The following PRAM1 variants were observed in gnomAD, a reference collection of about 807,000 sequenced individuals.
PRAM1 encodes PML-RARA-regulated adapter molecule 1.
In PRAM1, 41 loss-of-function variants were observed where a neutral mutation model predicts 55.3. The observed-to-expected ratio is 0.74, with a 90% confidence interval of 0.58 to 0.96. The LOEUF (loss-of-function observed/expected upper bound fraction) is 0.96, where lower values mean the gene tolerates loss of function less well. PRAM1 is among the 40% of genes least tolerant of loss of function. The pLI is 0.00. For missense variants in PRAM1, 898 were observed against 892.7 expected (o/e 1.01, Z -0.08); for synonymous variants, 401 against 387.1 (o/e 1.04, Z -0.42).
rs1971744869 is a variant in PRAM1 at position 8,498,755 on chromosome 19, C to G, written c.1053G>C (p.Arg351=). 1 of 1,572,218 alleles carries G rather than the reference C, an allele frequency of 6.4e-7. No homozygotes were observed. Among genetic ancestry groups the G allele is most frequent in the Non-Finnish European group, 8.6e-7 (1 of 1,159,570 alleles). The change falls in exon 2 of 10, where the codon CGG becomes CGC. Residue 351 remains arginine (R), a synonymous_variant. Transcript: ENST00000423345. ...GCTGTGAGAACTTGCGGGGTGGCCCCCGGCGCTCCGGCTGCAGCAGCTTCC... is the reference window on the plus strand; with the variant it reads ...GCTGTGAGAACTTGCGGGGTGGCCCGCGGCGCTCCGGCTGCAGCAGCTTCC... ...LPRKLLQPER[R]GPPRKFSQPE... is the part of the protein sequence containing the mutation.
rs1371771218 is a variant in PRAM1, at chr19:8,499,352, A to AG, written c.455dup (p.Leu153PhefsTer47). On this transcript the variant is annotated frameshift_variant, in exon 2 of 10. Transcript: ENST00000423345. LOFTEE classifies it high-confidence loss of function. ...CAGGCTCCGGCAGCGAGGCCTTCAAAGGGGCCTCACCGACCTCAGGCTGCA... is the reference window on the plus strand; with the variant it reads ...CAGGCTCCGGCAGCGAGGCCTTCAAAGGGGGCCTCACCGACCTCAGGCTGCA... The AG allele has an allele frequency of 1.2e-6, 2 of 1,611,376 alleles. No individual in the cohort carries two copies. Among genetic ancestry groups the AG allele is most frequent in the Admixed American group, 3.3e-5 (2 of 59,732 alleles).
At chr19:8,491,717 G>C (rs1971632614) in intron 4 of PRAM1, 1 of 163,040 alleles carries the variant, frequency 6.1e-6, no homozygotes, top group Non-Finnish European at 1.3e-5. Flanking sequence ...GGTGGGAACT[G>C]CTGGGCCACG....
chr19:8,490,954 T>C lies in PRAM1; in HGVS notation c.1676A>G (p.Asp559Gly). The C allele has an allele frequency of 1.9e-6, 3 of 1,613,836 alleles. No homozygotes were observed. The highest frequency in any genetic ancestry group is 2.5e-6 in the Non-Finnish European group (3 of 1,179,894). The change falls in exon 6 of 10, where the codon GAC (aspartate) becomes GGC (glycine). Residue 559 changes from aspartate (D) to glycine (G), a missense_variant. By Grantham distance (94) the Asp-to-Gly change is moderately conservative (BLOSUM62 -1). Around this residue, in one of 4 missense-constraint regions of PRAM1, gnomAD observed 787 missense variants for 735.4 expected, o/e 1.07. Transcript: ENST00000423345. The surrounding 1 kb of genome is among the most constrained non-coding windows in gnomAD (Gnocchi z 7.3). ...CCTCAGCTGCTTCAGCAACTTTGGG[T>C]CCATGGGTGGCAACTGCTGTGGCTG... is the stretch of plus-strand genomic sequence containing the variant. ...DPQPQQLPPM[D>G]PKLLKQLRKA...
chr19:8,498,239 G>A lies in PRAM1; in HGVS notation c.1483C>T (p.Pro495Ser), dbSNP rs1971728962. ...AAGLHFQDRQ[P>S]EDIPQVPDEI... ...CACACTCACTGCGGGATGTCTTCAG[G>A]CTGTCGGTCCTGGAAGTGGAGCCCA... The change falls in exon 3 of 10, where the codon CCT (proline) becomes TCT (serine). Residue 495 changes from proline (P) to serine (S), a missense_variant. Physicochemically the swap from Pro to Ser is moderately conservative, Grantham distance 74. Transcript: ENST00000423345. The A allele has an allele frequency of 6.2e-7, 1 of 1,612,418 alleles. No individual in the cohort carries two copies. Among genetic ancestry groups the A allele is most frequent in the African/African-American group, 1.3e-5 (1 of 74,890 alleles).
Position 8,490,098 on chromosome 19 carries a change from C to T in PRAM1, c.*91G>A, listed in dbSNP as rs1971586536. ...TTATGTGGCCAGGTACAAGCCCAGG[C>T]AGCTCTGTGACTTTCCCGCGCCGGG... On this transcript the variant is annotated 3_prime_UTR_variant, in exon 10 of 10. Coordinates refer to ENST00000423345, the MANE Select transcript of PRAM1 (RefSeq NM_032152.5). The surrounding 1 kb of genome is among the most constrained non-coding windows in gnomAD (Gnocchi z 7.3). 3 of 1,278,384 alleles carry T rather than the reference C, an allele frequency of 2.3e-6. No individual in the cohort carries two copies. The highest frequency in any genetic ancestry group is 3.0e-5 in the African/African-American group (2 of 66,298). 79.2% of individuals were successfully genotyped at this position (1,278,384 alleles called of 1,614,324 possible).
In PRAM1 at chr19:8,500,510, C is replaced by T. The variant is rs932416243; in HGVS notation, c.28-730G>A. 2.8e-4 allele frequency among the ~76,000 whole-genome samples: 42 copies of T among 152,300 alleles called. 1 individual carries two copies. The highest frequency in any genetic ancestry group is 2.0e-4 in the Admixed American group (3 of 15,302). On this transcript the variant is annotated intron_variant, in intron 1 of 9. Coordinates refer to ENST00000423345, the MANE Select transcript of PRAM1 (RefSeq NM_032152.5). ...GAACCCTGAGTCTGTTTGTGTCCCTCTGCTCAAAACTCGGCAATGCTTCCT... is the reference window on the plus strand; with the variant it reads ...GAACCCTGAGTCTGTTTGTGTCCCTTTGCTCAAAACTCGGCAATGCTTCCT...
chr19:8,498,493 G>A lies in PRAM1; in HGVS notation c.1315C>T (p.Pro439Ser). The A allele has an allele frequency of 6.3e-7, 1 of 1,595,364 alleles. No homozygotes were observed. Among genetic ancestry groups the A allele is most frequent in the Non-Finnish European group, 8.5e-7 (1 of 1,170,506 alleles). ...ARPGLRPSHP[P>S]RRRPLPPASS... ...GCAGGGGGCAGAGGCCTCCGCCGGG[G>A]TGGATGGCTGGGTCTGAGGCCTGGC... Residue 439 changes from proline (P) to serine (S), a missense_variant, in exon 2 of 10, where the codon CCC becomes TCC. This residue lies in a region of PRAM1 where 787 missense variants were observed against 735.4 expected (regional missense o/e 1.07). Coordinates refer to ENST00000423345, the MANE Select transcript of PRAM1 (RefSeq NM_032152.5).
At chr19:8,491,047 T>G (rs990484442) in intron 5 of PRAM1, 52 bp from the exon 6 acceptor site, 5 of 1,611,468 alleles carry the variant, frequency 3.1e-6, no homozygotes, top group East Asian at 4.5e-5. Flanking sequence ...TGTGCTCCTC[T>G]GGGGGTTCCT....
At position 8,490,137 on chromosome 19, in the gene PRAM1, G is replaced by C; in HGVS notation, c.*52C>G. ...TCCCGCGCCGGGATCCAGGGCTCCT[G>C]GGTGAGCGGGCGCTGGGCTGGCTGG... On this transcript the variant is annotated 3_prime_UTR_variant, in exon 10 of 10. Coordinates refer to ENST00000423345, the MANE Select transcript of PRAM1 (RefSeq NM_032152.5). The surrounding 1 kb of genome is among the most constrained non-coding windows in gnomAD (Gnocchi z 7.3). 6.7e-7 allele frequency: 1 copy of C among 1,484,664 alleles called. No homozygotes were observed. The highest frequency in any genetic ancestry group is 1.4e-5 in the African/African-American group (1 of 71,664). The allele number at this position is 1,484,664 out of a possible 1,614,324, so 92.0% of individuals were successfully genotyped here. A position where few individuals can be genotyped will look rare whatever the true frequency, so the allele number is the denominator to read the frequency against.
chr19:8,498,122 C>T (rs1301254004), intron 3 of PRAM1, 101 bp downstream of exon 3: 3 of 1,265,016 alleles, frequency 2.4e-6, no homozygotes, highest in Admixed American at 2.0e-5. Flanking sequence ...TCAGGAGATC[C>T]GCCCACTTCA....
rs1555713285 is a variant in PRAM1 at position 8,490,662 on chromosome 19, C to G, written c.1838G>C (p.Gly613Ala). 6.3e-7 allele frequency: 1 copy of G among 1,590,700 alleles called. No homozygotes were observed. Among genetic ancestry groups the G allele is most frequent in the Non-Finnish European group, 8.6e-7 (1 of 1,168,504 alleles). Residue 613 changes from glycine to alanine, a missense_variant, in exon 7 of 10, where the codon GGG becomes GCG. Gly to Ala is a moderately conservative substitution (Grantham distance 60). Transcript: ENST00000423345. The surrounding 1 kb of genome is among the most constrained non-coding windows in gnomAD (Gnocchi z 7.3). Reference sequence around the variant, plus strand: ...GAACTCGATCACCTCCAGGATCTCCCCGCGCCGGATCCCGAGGTGCTTGCC... The same window carrying G: ...GAACTCGATCACCTCCAGGATCTCCGCGCGCCGGATCCCGAGGTGCTTGCC... ...GGGKHLGIRRGEILEVIEFTS... is the reference protein window; with the variant it reads ...GGGKHLGIRRAEILEVIEFTS...
intron 1 of PRAM1, 120 bp from the exon 2 acceptor site, chr19:8,499,900 G>T (rs1284856505): frequency 2.5e-6 from 2 of 808,146 alleles, no homozygotes; most frequent in East Asian, 2.7e-5. Context: ...GGCCCGGTCA[G>T]CCCTCAGCTC....
Position 8,498,306 on chromosome 19 carries a change from AGG to A in PRAM1, c.1433-19_1433-18del. 1.9e-6 allele frequency: 3 copies of A among 1,609,340 alleles called. No homozygotes were observed. Among genetic ancestry groups the A allele is most frequent in the Non-Finnish European group, 2.5e-6 (3 of 1,178,438 alleles). The stretch of plus-strand genomic sequence containing the variant: ...TCCGTAGATCTGTGGGGTAGAGAGT[AGG>A]GCAGGGAAGCCGGCACTGCCTGGGA... On this transcript the variant is annotated intron_variant, in intron 2 of 9. Transcript: ENST00000423345.
At chr19:8,498,351 G>A in intron 2 of PRAM1, 25 bp downstream of exon 2, 1 of 1,586,126 alleles carries the variant, frequency 6.3e-7, no homozygotes, top group African/African-American at 1.3e-5. Flanking sequence ...CCCCGCTCCT[G>A]CCGGTGCCGC....
At position 8,498,234 on chromosome 19, in the gene PRAM1, T is replaced by G. The variant is rs774382765; in HGVS notation, c.1488A>C (p.Glu496Asp). Residue 496 changes from glutamate (E) to aspartate (D), a missense_variant, in exon 3 of 10, where the codon GAA (glutamate) becomes GAC (aspartate). This residue lies in a region of PRAM1 where 787 missense variants were observed against 735.4 expected (regional missense o/e 1.07). Coordinates refer to ENST00000423345, the MANE Select transcript of PRAM1 (RefSeq NM_032152.5). Reference sequence around the variant, plus strand: ...CTCCCCACACTCACTGCGGGATGTCTTCAGGCTGTCGGTCCTGGAAGTGGA... The same window carrying G: ...CTCCCCACACTCACTGCGGGATGTCGTCAGGCTGTCGGTCCTGGAAGTGGA... Reference protein sequence around the residue: ...AGLHFQDRQPEDIPQVPDEIY... With the variant: ...AGLHFQDRQPDDIPQVPDEIY... The G allele has an allele frequency of 6.2e-7, 1 of 1,612,520 alleles. No homozygotes were observed. The highest frequency in any genetic ancestry group is 8.5e-7 in the Non-Finnish European group (1 of 1,179,532).
Position 8,498,980 on chromosome 19 carries a change from A to G in PRAM1, c.828T>C (p.Pro276=). The G allele has an allele frequency of 6.2e-7, 1 of 1,613,646 alleles. No homozygotes were observed. The highest frequency in any genetic ancestry group is 8.5e-7 in the Non-Finnish European group (1 of 1,179,796). ...SSAFPKKASQ[P]PLSDFPKKPP... Reference sequence around the variant, plus strand: ...GCTTCTTGGGAAAGTCACTCAGCGGAGGCTGGGAGGCCTTTTTGGGAAAGG... The same window carrying G: ...GCTTCTTGGGAAAGTCACTCAGCGGGGGCTGGGAGGCCTTTTTGGGAAAGG... The change falls in exon 2 of 10, where the codon CCT becomes CCC. Residue 276 remains proline (P), a synonymous_variant. Transcript: ENST00000423345.
intron 4 of PRAM1, among the ~76,000 whole-genome samples, chr19:8,497,106 G>T (rs1971709447): frequency 6.6e-6 from 1 of 151,996 alleles, no homozygotes; most frequent in Non-Finnish European, 1.5e-5. Flanking sequence ...TCAACCCAGG[G>T]GCGGCTCTGT....
In PRAM1 at chr19:8,497,728, A is replaced by G. The variant is rs372524851; in HGVS notation, c.1576+36T>C. The G allele has an allele frequency of 2.6e-5, 40 of 1,560,818 alleles. 5 individuals carry two copies. Among genetic ancestry groups the G allele is most frequent in the East Asian group, 1.3e-4 (6 of 44,598 alleles). ...ATGGCAGAAAATGGCCTTGCCCCGA[A>G]TGTTTTGCAGGGACTCGGGCAGGCC... is the stretch of plus-strand genomic sequence containing the variant. On this transcript the variant is annotated intron_variant, in intron 4 of 9. Transcript: ENST00000423345.
At chr19:8,496,958 GGAGCTTGCAGT>G (rs1333511201) in intron 4 of PRAM1, among the ~76,000 whole-genome samples, 8 of 151,828 alleles carry the variant, frequency 5.3e-5, no homozygotes, top group Non-Finnish European at 1.0e-4. Flanking sequence ...CCCGGGAGGC[GGAGCTTGCAGT>G]GAGCTGAGAT....
Sources: allele counts gnomAD v4.1 joint callset (sites outside exome capture counted in the v4.1 genomes callset), GRCh38; gene constraint gnomAD v4.1.1; regional missense constraint gnomAD v4.1.1; non-coding constraint Gnocchi (gnomAD v3.1); transcripts MANE v1.5; gene names NCBI Gene and HGNC (gene_info 2026-07-23, HGNC 2026-07-21).